SSX5: variants seen among roughly 807,000 people sequenced by gnomAD.
SSX5 encodes the protein SSX family member 5, also known as protein SSX5.
In SSX5, 14 loss-of-function variants were observed where a neutral mutation model predicts 14.9. The ratio of observed to expected loss-of-function variants is 0.94; its 90% CI spans 0.62 to 1.47. The LOEUF is 1.47. Among genes scored for constraint, SSX5 ranks in the 40% most tolerant of loss-of-function variants. The pLI is 0.00. For missense variants in SSX5, 204 were observed against 154.6 expected (o/e 1.32, Z -1.70); for synonymous variants, 70 against 55.4 (o/e 1.26, Z -1.17).
chrX:48,191,206 A>G (rs1445815024), intron 5 of SSX5, among the ~76,000 whole-genome samples: 1 of 111,433 alleles, frequency 9.0e-6, no homozygotes, highest in Non-Finnish European at 1.9e-5. Flanking sequence ...CCCAGTCCTT[A>G]GGCTACTTTT....
Position 48,195,345 on chromosome X carries a change from T to C in SSX5, c.14A>G (p.Asp5Gly). MNGDDAFVRRPRVGS... is the reference protein window; with the variant it reads MNGDGAFVRRPRVGS... ...AACCCTAGGTCTCCGTACAAAGGCA[T>C]CGTCTCCGTTCATGGCACCGGGAGC... Residue 5 changes from aspartate (D) to glycine (G), a missense_variant, in exon 2 of 8, where the codon GAT becomes GGT. Physicochemically the swap from Asp to Gly is moderately conservative, Grantham distance 94. Coordinates refer to ENST00000347757, the MANE Select transcript of SSX5 (RefSeq NM_175723.2). 1 of 1,211,569 alleles carries C rather than the reference T, an allele frequency of 8.3e-7. No individual in the cohort carries two copies. The highest frequency in any genetic ancestry group is 1.1e-6 in the Non-Finnish European group (1 of 895,387).
rs143141338 is a variant in SSX5 at position 48,186,532 on chromosome X, T to C, written c.*329A>G. The C allele has an allele frequency of 7.6e-5, 31 of 405,322 alleles. No homozygotes were observed. The highest frequency in any genetic ancestry group is 2.3e-4 in the African/African-American group (9 of 39,630). The allele number at this position is 405,322 out of a possible 1,213,427, so 33.4% of individuals were successfully genotyped here. ...CATCTGGGAAGAGAGGAGGGTAGTG[T>C]TGTTCTATGCAGAGAATACCTGACG... On this transcript the variant is annotated 3_prime_UTR_variant, in exon 8 of 8. Coordinates refer to ENST00000347757, the MANE Select transcript of SSX5 (RefSeq NM_175723.2).
rs1342959526 is a variant in SSX5 at position 48,186,420 on chromosome X, G to A, written c.*441C>T. The A allele has an allele frequency of 7.2e-6, 2 of 277,469 alleles. No individual in the cohort carries two copies. Among genetic ancestry groups the A allele is most frequent in the Non-Finnish European group, 1.3e-5 (2 of 154,604 alleles). 22.9% of individuals were successfully genotyped at this position (277,469 alleles called of 1,213,427 possible). ...TGTGTGTGTGCGCGCGCGCGCGCAT[G>A]TGTGTCTGTGTGGCATGTGTGTGTG... On this transcript the variant is annotated 3_prime_UTR_variant, in exon 8 of 8. Coordinates refer to ENST00000347757, the MANE Select transcript of SSX5 (RefSeq NM_175723.2).
chrX:48,187,477 G>C lies in SSX5; in HGVS notation c.*4+150C>G, dbSNP rs782124096. On this transcript the variant is annotated intron_variant, in intron 7 of 7. Transcript: ENST00000347757. ...CTCCCCCACCCACAAAAAAAAACAT[G>C]GGAAATTTCATCATTCAGCCTCAAT... 6 of 772,486 alleles carry C rather than the reference G, an allele frequency of 7.8e-6. No homozygotes were observed. The East Asian group carries it at 2.0e-4, about 26-fold the overall frequency. The allele number at this position is 772,486 out of a possible 1,213,427, so 63.7% of individuals were successfully genotyped here. A position where few individuals can be genotyped will look rare whatever the true frequency, so the allele number is the denominator to read the frequency against.
chrX:48,195,432 A>T, intron 1 of SSX5, 54 bp from the exon 2 acceptor site: 2 of 1,116,055 alleles, frequency 1.8e-6, no homozygotes, highest in Non-Finnish European at 2.4e-6. Context: ...GGTCCCATGG[A>T]GGGAGAAATC....
intron 7 of SSX5, among the ~76,000 whole-genome samples, chrX:48,187,275 G>A (rs1219898447): frequency 9.0e-6 from 1 of 110,798 alleles, no homozygotes; most frequent in Non-Finnish European, 1.9e-5. Context: ...CTGACATGGC[G>A]AAACCCTGTC....
chrX:48,191,502 G>A (rs2059419981), intron 5 of SSX5, among the ~76,000 whole-genome samples: 1 of 110,979 alleles, frequency 9.0e-6, no homozygotes, highest in African/African-American at 3.3e-5. Flanking sequence ...TGCAGACAAG[G>A]CCCTCAAGGA....
chrX:48,188,804 A>G (rs188387565), intron 6 of SSX5, among the ~76,000 whole-genome samples: 1 of 112,769 alleles, frequency 8.9e-6, no homozygotes, highest in African/African-American at 3.2e-5. Flanking sequence ...GCAAAGGAAA[A>G]GTTCTTGAAG....
chrX:48,192,904 A>G (rs1306936205), intron 4 of SSX5, among the ~76,000 whole-genome samples: 3 of 112,287 alleles, frequency 2.7e-5, no homozygotes, highest in South Asian at 3.7e-4. Context: ...TCAGAGCAGA[A>G]GAGCAAGTAA....
At chrX:48,192,325 T>C (rs1556924941) in intron 4 of SSX5, 44 bp from the exon 5 acceptor site, 2 of 1,207,185 alleles carry the variant, frequency 1.7e-6, no homozygotes, top group Non-Finnish European at 2.2e-6. Flanking sequence ...GGTAAAGATT[T>C]CCAAACTCTA....
rs73495262 is a variant in SSX5 at position 48,186,556 on chromosome X, C to T, written c.*305G>A. 9.9e-4 allele frequency: 426 copies of T among 431,582 alleles called. 2 individuals are homozygous for T. The highest frequency in any genetic ancestry group is 9.4e-3 in the African/African-American group (380 of 40,270). The allele number at this position is 431,582 out of a possible 1,213,427, so 35.6% of individuals were successfully genotyped here. The stretch of plus-strand genomic sequence containing the variant: ...GTTGTTCTATGCAGAGAATACCTGA[C>T]GATACTTGTTTTCTGAGGTAGGTGC... On this transcript the variant is annotated 3_prime_UTR_variant, in exon 8 of 8. Coordinates refer to ENST00000347757, the MANE Select transcript of SSX5 (RefSeq NM_175723.2).
intron 3 of SSX5, 133 bp from the exon 4 acceptor site, chrX:48,194,357 T>A: frequency 1.5e-6 from 1 of 674,750 alleles, no homozygotes; most frequent in Non-Finnish European, 2.4e-6. Context: ...GAGGCTGCAG[T>A]GAGCTATGAT....
intron 4 of SSX5, among the ~76,000 whole-genome samples, chrX:48,192,860 T>C (rs1483611859): frequency 8.0e-5 from 9 of 112,430 alleles, no homozygotes; most frequent in Non-Finnish European, 1.7e-4. Context: ...TGGAGACAGT[T>C]TGGACTTTCT....
intron 1 of SSX5, 52 bp from the exon 2 acceptor site, chrX:48,195,430 G>A (rs2059437388): frequency 9.0e-7 from 1 of 1,116,284 alleles, no homozygotes; most frequent in Non-Finnish European, 1.2e-6. Flanking sequence ...TTGGTCCCAT[G>A]GAGGGAGAAA....
chrX:48,188,055 G>A (rs2044047242), intron 6 of SSX5, among the ~76,000 whole-genome samples: 1 of 111,778 alleles, frequency 8.9e-6, no homozygotes, highest in Admixed American at 9.6e-5. Flanking sequence ...AGGCCACACA[G>A]GCGTACCTTG....
At chrX:48,192,407 G>A in intron 4 of SSX5, 126 bp from the exon 5 acceptor site, 1 of 1,016,901 alleles carries the variant, frequency 9.8e-7, no homozygotes, top group African/African-American at 1.9e-5. Flanking sequence ...GGAGTTATTT[G>A]AGATTTGCTT....
rs782347787 is a variant in SSX5, at chrX:48,186,803, T to C, written c.*58A>G. ...GGATCCGCAGCCATGCCCATGTTCG[T>C]GAAAGGTCACCACGTTCTGCTTCTC... On this transcript the variant is annotated 3_prime_UTR_variant, in exon 8 of 8. Coordinates refer to ENST00000347757, the MANE Select transcript of SSX5 (RefSeq NM_175723.2). 52 of 1,196,325 alleles carry C rather than the reference T, an allele frequency of 4.3e-5. No homozygotes were observed. The Admixed American group carries it at 4.8e-4, about 11-fold the overall frequency.
rs1482535971 is a variant in SSX5, at chrX:48,194,284, C to T, written c.185-60G>A. On this transcript the variant is annotated intron_variant, in intron 3 of 7. Transcript: ENST00000347757. ...CAAGCTTAGGCCTGGTATGGTGGCT[C>T]ATGTCTGTAGTAGCAGCTCTTTGGG... is the stretch of plus-strand genomic sequence containing the variant. The T allele has an allele frequency of 5.8e-5, 65 of 1,129,104 alleles. No individual in the cohort carries two copies. The African/African-American group carries it at 1.1e-3, about 20-fold the overall frequency. The allele number at this position is 1,129,104 out of a possible 1,213,427, so 93.1% of individuals were successfully genotyped here.
chrX:48,193,457 C>T (rs1556925177), intron 4 of SSX5, among the ~76,000 whole-genome samples: 2 of 111,389 alleles, frequency 1.8e-5, no homozygotes, highest in Admixed American at 1.9e-4. Context: ...ATTAGAAATA[C>T]TACAAACAGG....
Sources: allele counts gnomAD v4.1 joint callset (sites outside exome capture counted in the v4.1 genomes callset), GRCh38; gene constraint gnomAD v4.1.1; transcripts MANE v1.5; gene names NCBI Gene and HGNC (gene_info 2026-07-23, HGNC 2026-07-21).